Variants in ERC2 observed in about 807,000 individuals in gnomAD.
The protein encoded by ERC2 is ELKS/RAB6-interacting/CAST family member 2.
In ERC2, 42 loss-of-function variants were observed where a neutral mutation model predicts 114.8. That is an observed-to-expected ratio of 0.37 (90% CI 0.29 to 0.47). The LOEUF is 0.47. Ranked by LOEUF, ERC2 falls within the 20% of genes least tolerant of loss-of-function variation. The probability of loss-of-function intolerance (pLI) is 0.99; values close to 1 mark genes in which losing one functional copy is unlikely to be tolerated. For missense variants in ERC2, 939 were observed against 1,150.7 expected (o/e 0.82, Z 2.66); for synonymous variants, 454 against 425.5 (o/e 1.07, Z -0.82).
At chr3:55,809,625 T>A (rs1299170669) in intron 14 of ERC2, among the ~76,000 whole-genome samples, 1 of 152,130 alleles carries the variant, frequency 6.6e-6, no homozygotes, top group Non-Finnish European at 1.5e-5. Flanking sequence ...ATAACCCCAT[T>A]AAAAAGTGGA....
At chr3:55,537,368 T>A (rs1015138639) in intron 17 of ERC2, among the ~76,000 whole-genome samples, 2 of 152,198 alleles carry the variant, frequency 1.3e-5, no homozygotes, top group African/African-American at 4.8e-5. Flanking sequence ...ATCTAGAATA[T>A]CAAAGGGTGA....
chr3:55,619,396 C>G (rs1323611449), intron 17 of ERC2, among the ~76,000 whole-genome samples: 2 of 152,174 alleles, frequency 1.3e-5, no homozygotes, highest in Non-Finnish European at 1.5e-5. Flanking sequence ...TCACACCAGG[C>G]TTTGTGTGCA....
At chr3:56,024,635 C>A (rs926297311) in intron 7 of ERC2, among the ~76,000 whole-genome samples, 4 of 152,196 alleles carry the variant, frequency 2.6e-5, no homozygotes, top group African/African-American at 9.6e-5. Flanking sequence ...CAAGTGTTAG[C>A]AGTTTCATCT....
intron 17 of ERC2, among the ~76,000 whole-genome samples, chr3:55,651,834 G>C (rs1273942607): frequency 6.6e-6 from 1 of 152,190 alleles, no homozygotes; most frequent in Non-Finnish European, 1.5e-5. Context: ...TACCAAATGA[G>C]GGGATTTTTA....
At chr3:55,531,517 C>T (rs774552693) in intron 17 of ERC2, among the ~76,000 whole-genome samples, 3 of 152,194 alleles carry the variant, frequency 2.0e-5, no homozygotes, top group Non-Finnish European at 4.4e-5. Flanking sequence ...ATGCTAATGA[C>T]TCCTGACTTC....
At chr3:55,973,107 G>A (rs371505876) in intron 12 of ERC2, among the ~76,000 whole-genome samples, 14 of 152,146 alleles carry the variant, frequency 9.2e-5, no homozygotes, top group Admixed American at 9.2e-4. Context: ...GAGGGAACAG[G>A]GGCCTCCAGA....
intron 14 of ERC2, among the ~76,000 whole-genome samples, chr3:55,741,926 G>A (rs998261791): frequency 2.0e-5 from 3 of 151,940 alleles, no homozygotes; most frequent in African/African-American, 7.2e-5. Context: ...GGCAACAATA[G>A]AGGAAAAAAG....
At chr3:56,325,126 G>A (rs1003975186) in intron 2 of ERC2, among the ~76,000 whole-genome samples, 1 of 151,756 alleles carries the variant, frequency 6.6e-6, no homozygotes, top group Non-Finnish European at 1.5e-5. Flanking sequence ...GCTCTATGAG[G>A]GCAGGGATTT....
At chr3:56,392,176 T>C (rs1018609502) in intron 2 of ERC2, among the ~76,000 whole-genome samples, 5 of 152,216 alleles carry the variant, frequency 3.3e-5, no homozygotes, top group Non-Finnish European at 7.3e-5. Flanking sequence ...TTGAGATGCA[T>C]GTAGATTTAT....
At chr3:55,784,530 A>AT (rs1234480252) in intron 14 of ERC2, among the ~76,000 whole-genome samples, 2 of 152,220 alleles carry the variant, frequency 1.3e-5, no homozygotes, top group Non-Finnish European at 2.9e-5. Context: ...GAGCTCATAA[A>AT]TTATGCCTGT....
intron 3 of ERC2, among the ~76,000 whole-genome samples, chr3:56,276,469 A>AAAAAAAAAAAAAAC (rs1313393586): frequency 6.6e-6 from 1 of 151,250 alleles, no homozygotes; most frequent in Non-Finnish European, 1.5e-5. Context: ...TAAAAAAAAA[A>AAAAAAAAAAAAAAC]AAAAAAAACA....
chr3:56,045,451 C>A (rs1278878390), intron 7 of ERC2, among the ~76,000 whole-genome samples: 1 of 152,028 alleles, frequency 6.6e-6, no homozygotes, highest in Non-Finnish European at 1.5e-5. Flanking sequence ...TTTCCAGAGC[C>A]CAGTTTTGAA....
intron 6 of ERC2, among the ~76,000 whole-genome samples, chr3:56,096,364 T>C (rs9850438): frequency 0.18 from 27,237 of 151,996 alleles, 2,589 homozygotes; most frequent in African/African-American, 0.23. Flanking sequence ...TGAGACAGGG[T>C]GAGTTCTTGT....
At chr3:55,713,365 C>T (rs2063896149) in intron 15 of ERC2, among the ~76,000 whole-genome samples, 1 of 152,008 alleles carries the variant, frequency 6.6e-6, no homozygotes, top group South Asian at 2.1e-4. Context: ...CGCCCGCCAC[C>T]ATGCCTGGTT....
chr3:55,921,842 T>C (rs2065448634), intron 13 of ERC2, among the ~76,000 whole-genome samples: 2 of 152,178 alleles, frequency 1.3e-5, no homozygotes, highest in Admixed American at 1.3e-4. Flanking sequence ...AATTCATTGT[T>C]GGTTAATCAA....
At chr3:56,194,407 G>A (rs2047972843) in intron 3 of ERC2, among the ~76,000 whole-genome samples, 1 of 152,168 alleles carries the variant, frequency 6.6e-6, no homozygotes, top group Middle Eastern at 3.2e-3. Context: ...AAGAGAAACG[G>A]CAGGCACCAC....
intron 3 of ERC2, among the ~76,000 whole-genome samples, chr3:56,227,022 G>GTGC (rs1207933899): frequency 6.6e-6 from 1 of 151,922 alleles, no homozygotes; most frequent in Non-Finnish European, 1.5e-5. Context: ...CCACCTCAGT[G>GTGC]TGCTCTGTAA....
chr3:56,132,643 A>G (rs2080272900), intron 6 of ERC2, among the ~76,000 whole-genome samples: 1 of 151,900 alleles, frequency 6.6e-6, no homozygotes, highest in Non-Finnish European at 1.5e-5. Flanking sequence ...TCTCAAAAAA[A>G]AAGCATTTAA....
chr3:55,518,772 A>C (rs1393228086), intron 17 of ERC2, among the ~76,000 whole-genome samples: 1 of 152,260 alleles, frequency 6.6e-6, no homozygotes, highest in Non-Finnish European at 1.5e-5. Flanking sequence ...CCTGGTGGCT[A>C]TATAAATCGC....
Sources: gnomAD v4.1 joint callset for allele counts (sites outside exome capture counted in the v4.1 genomes callset) on GRCh38, gnomAD v4.1.1 for gene constraint, MANE v1.5 for transcripts, NCBI Gene and HGNC (gene_info 2026-07-23, HGNC 2026-07-21) for gene names.